The following BRCA2 variants were observed in gnomAD, a reference collection of about 807,000 sequenced individuals.
BRCA2 encodes BRCA2 DNA repair associated, also known as breast cancer type 2 susceptibility protein.
In BRCA2, 203 loss-of-function variants were observed where a neutral mutation model predicts 276.7. The ratio of observed to expected loss-of-function variants is 0.73; its 90% confidence interval spans 0.65 to 0.82. The LOEUF (loss-of-function observed/expected upper bound fraction) is 0.82, where lower values mean the gene tolerates loss of function less well. Among genes scored for constraint, BRCA2 ranks in the 40% least tolerant of loss-of-function variants. BRCA2 has a pLI of 0.00. For missense variants in BRCA2, 3,920 were observed against 3,915.0 expected, an observed-to-expected ratio of 1.00 and a Z score of -0.03; for synonymous variants, 1,289 against 1,338.4, an observed-to-expected ratio of 0.96 and a Z score of 0.81.
intron 24 of BRCA2, among the ~76,000 whole-genome samples, chr13:32,383,252 C>G (rs1040709922): frequency 3.3e-5 from 5 of 150,084 alleles, no homozygotes; most frequent in African/African-American, 4.9e-5. Flanking sequence ...CTCAGCTACT[C>G]GGGAGGCAGA....
Position 32,337,806 on chromosome 13 carries a change from A to C in BRCA2, c.3451A>C (p.Ile1151Leu), listed in dbSNP as rs80358591. Residue 1151 changes from isoleucine (I) to leucine (L), a missense_variant, in exon 11 of 27, where the codon ATC becomes CTC. Around this residue, in one of 2 missense-constraint regions of BRCA2, gnomAD observed 3,263 missense variants for 3,156.9 expected, o/e 1.03. Coordinates refer to ENST00000380152, the MANE Select transcript of BRCA2 (RefSeq NM_000059.4). ...TFEVPENQMT[I>L]LKTTSEECRD... ...TGAAGTGCCTGAAAACCAGATGACT[A>C]TCTTAAAGACCACTTCTGAGGAATG... is the stretch of plus-strand genomic sequence containing the variant. 1 of 1,614,114 alleles carries C rather than the reference A, an allele frequency of 6.2e-7. No homozygotes were observed. The highest frequency in any genetic ancestry group is 8.5e-7 in the Non-Finnish European group (1 of 1,179,970).
chr13:32,352,276 G>T (rs373547641), intron 13 of BRCA2, among the ~76,000 whole-genome samples: 1 of 151,364 alleles, frequency 6.6e-6, no homozygotes, highest in African/African-American at 2.4e-5. Flanking sequence ...AAGGAAATAC[G>T]TATTTACCCG....
At chr13:32,358,291 C>G (rs183711593) in intron 16 of BRCA2, among the ~76,000 whole-genome samples, 1 of 151,238 alleles carries the variant, frequency 6.6e-6, no homozygotes, top group Non-Finnish European at 1.5e-5. Context: ...GCCTGGCCAA[C>G]GTGGCGAAAC....
At chr13:32,382,711 G>A (rs2072932405) in intron 24 of BRCA2, among the ~76,000 whole-genome samples, 1 of 152,200 alleles carries the variant, frequency 6.6e-6, no homozygotes. Context: ...GGGGAATCAG[G>A]ATCAAGAGAA....
rs876659509 is a variant in BRCA2 at position 32,337,318 on chromosome 13, A to T, written c.2963A>T (p.Asp988Val). ...NIDKIPEKNN[D>V]YMNKWAGLLG... ...GATAAAATACCAGAAAAAAATAATG[A>T]TTACATGAACAAATGGGCAGGACTC... Residue 988 changes from aspartate to valine, a missense_variant, in exon 11 of 27, where the codon GAT becomes GTT. Physicochemically the swap from Asp to Val is radical, Grantham distance 152. Transcript: ENST00000380152. 6.2e-7 allele frequency: 1 copy of T among 1,613,486 alleles called. No homozygotes were observed. The highest frequency in any genetic ancestry group is 2.2e-5 in the East Asian group (1 of 44,824).
At position 32,337,853 on chromosome 13, in the gene BRCA2, CAT is replaced by C. The variant is rs80359387; in HGVS notation, c.3500_3501del (p.Ile1167AsnfsTer16). On this transcript the variant is annotated frameshift_variant, in exon 11 of 27. Transcript: ENST00000380152. LOFTEE classifies it high-confidence loss of function. ...EECRDADLHV[I>X]MNAPSIGQVD... ...AATGCAGAGATGCTGATCTTCATGT[CAT>C]AATGAATGCCCCATCGATTGGTCAG... 1 of 1,614,064 alleles carries C rather than the reference CAT, an allele frequency of 6.2e-7. No homozygotes were observed. Among genetic ancestry groups the C allele is most frequent in the Non-Finnish European group, 8.5e-7 (1 of 1,179,968 alleles).
intron 3 of BRCA2, among the ~76,000 whole-genome samples, chr13:32,321,968 T>A (rs1407304061): frequency 6.6e-6 from 1 of 152,242 alleles, no homozygotes; most frequent in Non-Finnish European, 1.5e-5. Flanking sequence ...GAGTTTCTTT[T>A]CATTGCTGAA....
chr13:32,362,408 T>A (rs902521665), intron 16 of BRCA2, 115 bp from the exon 17 acceptor site: 23 of 1,040,180 alleles, frequency 2.2e-5, no homozygotes, highest in Non-Finnish European at 3.2e-5. Flanking sequence ...TATGAACTCA[T>A]AAAAACTTAA....
In BRCA2 at chr13:32,394,750, G is replaced by C. The variant is rs771203198; in HGVS notation, c.9318G>C (p.Trp3106Cys). 1.9e-6 allele frequency: 3 copies of C among 1,613,908 alleles called. No homozygotes were observed. In the South Asian group the frequency reaches 3.3e-5, roughly 18 times the overall value. Residue 3106 changes from tryptophan to cysteine, a missense_variant, in exon 25 of 27, where the codon TGG becomes TGC. Trp to Cys is a radical substitution (Grantham distance 215). Around this residue, in one of 2 missense-constraint regions of BRCA2, gnomAD observed 657 missense variants for 758.2 expected, o/e 0.87. Transcript: ENST00000380152. ...ACAATTTACTGGCAATAAAGTTTTG[G>C]ATAGACCTTAATGAGGACATTATTA... is the stretch of plus-strand genomic sequence containing the variant. ...ECYNLLAIKF[W>C]IDLNEDIIKP...
intron 24 of BRCA2, among the ~76,000 whole-genome samples, chr13:32,382,694 G>C (rs1593194721): frequency 6.6e-6 from 1 of 152,182 alleles, no homozygotes; most frequent in African/African-American, 2.4e-5. Flanking sequence ...TGAATCAGTA[G>C]CCAGAAGGGG....
chr13:32,338,220 A>G lies in BRCA2; in HGVS notation c.3865A>G (p.Lys1289Glu), dbSNP rs786201943. 1.9e-6 allele frequency: 3 copies of G among 1,541,432 alleles called. No individual in the cohort carries two copies. The highest frequency in any genetic ancestry group is 2.6e-6 in the Non-Finnish European group (3 of 1,142,046). ...NDKTVSEKNNKCQLILQNNIE... is the reference protein window; with the variant it reads ...NDKTVSEKNNECQLILQNNIE... The stretch of plus-strand genomic sequence containing the variant: ...TAAAACTGTAAGTGAAAAAAATAAT[A>G]AATGCCAACTGATATTACAAAATAA... The change falls in exon 11 of 27, where the codon AAA (lysine) becomes GAA (glutamate). Residue 1289 changes from lysine to glutamate, a missense_variant. By Grantham distance (56) the Lys-to-Glu change is moderately conservative. Around this residue, in one of 2 missense-constraint regions of BRCA2, gnomAD observed 3,263 missense variants for 3,156.9 expected, o/e 1.03. Transcript: ENST00000380152.
intron 20 of BRCA2, chr13:32,375,500 AT>A (rs1433022085): frequency 5.6e-5 from 19 of 336,752 alleles, no homozygotes; most frequent in Middle Eastern, 4.0e-4. Flanking sequence ...AAGGTTTTCA[AT>A]TCACTTTACC....
chr13:32,338,340 A>G lies in BRCA2; in HGVS notation c.3985A>G (p.Arg1329Gly), dbSNP rs587782718. 1 of 1,585,040 alleles carries G rather than the reference A, an allele frequency of 6.3e-7. No individual in the cohort carries two copies. The highest frequency in any genetic ancestry group is 2.2e-5 in the East Asian group (1 of 44,534). The change falls in exon 11 of 27, where the codon AGA becomes GGA. Residue 1329 changes from arginine (R) to glycine (G), a missense_variant. This residue lies in a region of BRCA2 where 3,263 missense variants were observed against 3,156.9 expected (regional missense o/e 1.03). Transcript: ENST00000380152. Reference protein sequence around the residue: ...NEDNKYTAASRNSHNLEFDGS... With the variant: ...NEDNKYTAASGNSHNLEFDGS... ...AGATAACAAATATACTGCTGCCAGTAGAAATTCTCATAACTTAGAATTTGA... is the reference window on the plus strand; with the variant it reads ...AGATAACAAATATACTGCTGCCAGTGGAAATTCTCATAACTTAGAATTTGA...
intron 3 of BRCA2, among the ~76,000 whole-genome samples, chr13:32,322,081 C>G (rs2072309776): frequency 6.6e-6 from 1 of 152,152 alleles, no homozygotes; most frequent in South Asian, 2.1e-4. Flanking sequence ...TGTCGTATAT[C>G]TGCCATTATG....
At position 32,399,217 on chromosome 13, in the gene BRCA2, T is replaced by C. The variant is rs1184697105; in HGVS notation, c.*447T>C. 4.8e-6 allele frequency: 1 copy of C among 208,254 alleles called. No homozygotes were observed. Among genetic ancestry groups the C allele is most frequent in the Non-Finnish European group, 9.7e-6 (1 of 102,700 alleles). The allele number at this position is 208,254 out of a possible 1,614,324, so 12.9% of individuals were successfully genotyped here. ...TACAAGTATTATTTTACAAGTGAAATAAACATACCATTTTCTTTTAGATTG... is the reference window on the plus strand; with the variant it reads ...TACAAGTATTATTTTACAAGTGAAACAAACATACCATTTTCTTTTAGATTG... On this transcript the variant is annotated 3_prime_UTR_variant, in exon 27 of 27. Transcript: ENST00000380152.
chr13:32,400,148 A>G lies in BRCA2; in HGVS notation c.*1378A>G, dbSNP rs1209420962. ...GATAAAACATTTCTAACTGGGAGTT[A>G]ATTGCATGGAGAAGGTCTTAAATCA... On this transcript the variant is annotated 3_prime_UTR_variant, in exon 27 of 27. Transcript: ENST00000380152. 1 of 152,226 alleles carries G rather than the reference A, an allele frequency of 6.6e-6. No individual in the cohort carries two copies. Among genetic ancestry groups the G allele is most frequent in the Non-Finnish European group, 1.5e-5 (1 of 68,038 alleles). 9.4% of individuals were successfully genotyped at this position (152,226 alleles called of 1,614,324 possible).
At chr13:32,385,468 T>G (rs2072952921) in intron 24 of BRCA2, 1 of 214,570 alleles carries the variant, frequency 4.7e-6, no homozygotes, top group Non-Finnish European at 1.0e-5. Context: ...AAGAGAAGAC[T>G]TTGTGGATGA....
Position 32,336,426 on chromosome 13 carries a change from G to A in BRCA2, c.2071G>A (p.Ala691Thr), listed in dbSNP as rs431825290. 6.2e-7 allele frequency: 1 copy of A among 1,613,728 alleles called. No individual in the cohort carries two copies. The highest frequency in any genetic ancestry group is 1.1e-5 in the South Asian group (1 of 91,008). The stretch of plus-strand genomic sequence containing the variant: ...CTCTCAGGATCTTGATTATAAAGAA[G>A]CAAAATGTAATAAGGAAAAACTACA... The part of the protein sequence containing the change: ...VISQDLDYKE[A>T]KCNKEKLQLF... Residue 691 changes from alanine to threonine, a missense_variant, in exon 11 of 27, where the codon GCA (alanine) becomes ACA (threonine). Coordinates refer to ENST00000380152, the MANE Select transcript of BRCA2 (RefSeq NM_000059.4).
At position 32,315,619 on chromosome 13, in the gene BRCA2, GTTT is replaced by G. The variant is rs1051850021; in HGVS notation, c.-85_-83del. 3.3e-5 allele frequency: 5 copies of G among 152,336 alleles called. No individual in the cohort carries two copies. The highest frequency in any genetic ancestry group is 1.3e-4 in the Admixed American group (2 of 15,294). The allele number at this position is 152,336 out of a possible 1,614,324, so 9.4% of individuals were successfully genotyped here. On this transcript the variant is annotated 5_prime_UTR_variant, in exon 1 of 27. Coordinates refer to ENST00000380152, the MANE Select transcript of BRCA2 (RefSeq NM_000059.4). ...AGGGGACAGATTTGTGACCGGCGCG[GTTT>G]TTGTCAGCTTACTCCGGCCAAAAAA...
Sources: allele counts gnomAD v4.1 joint callset (sites outside exome capture counted in the v4.1 genomes callset), GRCh38; gene constraint gnomAD v4.1.1; regional missense constraint gnomAD v4.1.1; transcripts MANE v1.5; gene names NCBI Gene and HGNC (gene_info 2026-07-23, HGNC 2026-07-21).